Variants in SULT2A1 observed in about 807,000 individuals in gnomAD.
SULT2A1 encodes the protein sulfotransferase family 2A member 1.
A neutral mutation model predicts 33.9 loss-of-function variants in SULT2A1; 43 were observed. The observed-to-expected ratio is 1.27, with a 90% CI of 1.00 to 1.64. The LOEUF is 1.64. Among genes scored for constraint, SULT2A1 ranks in the 40% most tolerant of loss-of-function variants. SULT2A1 has a pLI of 0.00. For missense variants in SULT2A1, 300 were observed against 335.1 expected, an observed-to-expected ratio of 0.90 and a Z score of 0.82; for synonymous variants, 125 against 113.6, an observed-to-expected ratio of 1.10 and a Z score of -0.64.
chr19:47,884,104 CA>C (rs532247197), intron 1 of SULT2A1, among the ~76,000 whole-genome samples: 17 of 116,184 alleles, frequency 1.5e-4, no homozygotes, highest in East Asian at 7.5e-4. Context: ...GACTCAGTCT[CA>C]AAAAAAAAAA....
intron 1 of SULT2A1, among the ~76,000 whole-genome samples, chr19:47,884,385 A>C (rs1424915511): frequency 6.6e-6 from 1 of 150,470 alleles, no homozygotes; most frequent in Non-Finnish European, 1.5e-5. Context: ...TCACCATGTT[A>C]GCCAGGATGG....
At chr19:47,882,253 T>C in intron 2 of SULT2A1, 43 bp from the exon 3 acceptor site, 2 of 1,587,704 alleles carry the variant, frequency 1.3e-6, no homozygotes, top group South Asian at 1.1e-5. Flanking sequence ...ATACAGTCAA[T>C]CCTCACTCTT....
chr19:47,881,852 G>C (rs528690820), intron 3 of SULT2A1, among the ~76,000 whole-genome samples: 1 of 152,120 alleles, frequency 6.6e-6, no homozygotes, highest in East Asian at 1.9e-4. Flanking sequence ...GCTAGTATTG[G>C]AGGCTCTAGA....
intron 5 of SULT2A1, among the ~76,000 whole-genome samples, chr19:47,873,144 G>A (rs1448879310): frequency 1.3e-5 from 2 of 151,952 alleles, no homozygotes; most frequent in African/African-American, 2.4e-5. Context: ...TGTCCCAGAT[G>A]TATTAGAACT....
chr19:47,877,457 A>G (rs1968557540), intron 4 of SULT2A1, among the ~76,000 whole-genome samples: 2 of 151,264 alleles, frequency 1.3e-5, no homozygotes, highest in South Asian at 2.1e-4. Flanking sequence ...CCAGGCTGGT[A>G]TCGAACTCCT....
At chr19:47,877,162 G>A (rs1165323775) in intron 4 of SULT2A1, among the ~76,000 whole-genome samples, 2 of 151,844 alleles carry the variant, frequency 1.3e-5, no homozygotes, top group Non-Finnish European at 2.9e-5. Flanking sequence ...GTGTTGGGAC[G>A]TGACGTTTCC....
intron 3 of SULT2A1, among the ~76,000 whole-genome samples, chr19:47,879,592 T>A (rs1031531272): frequency 4.6e-5 from 7 of 151,972 alleles, no homozygotes; most frequent in African/African-American, 1.7e-4. Context: ...TGGAATACAA[T>A]GCAGCCATGA....
At chr19:47,873,618 T>C (rs1381797662) in intron 5 of SULT2A1, among the ~76,000 whole-genome samples, 5 of 104,890 alleles carry the variant, frequency 4.8e-5, no homozygotes, top group South Asian at 3.3e-4. Context: ...AGATCTCTTT[T>C]TTTTTTTTTT....
chr19:47,879,976 C>T (rs1027240551), intron 3 of SULT2A1, among the ~76,000 whole-genome samples: 7 of 151,892 alleles, frequency 4.6e-5, no homozygotes, highest in African/African-American at 1.7e-4. Flanking sequence ...GTGGCTCACA[C>T]CTGTAATCCC....
At position 47,871,555 on chromosome 19, in the gene SULT2A1, TC is replaced by T. The variant is rs749212128; in HGVS notation, c.757del (p.Asp253ThrfsTer62). 6.2e-7 allele frequency: 1 copy of T among 1,613,326 alleles called. No homozygotes were observed. The highest frequency in any genetic ancestry group is 8.5e-7 in the Non-Finnish European group (1 of 1,179,488). ...GGCCACTGTGAAGTGATTTTTCCAGTCCCCAGATACACCTGGAAACAAGAAG... is the reference window on the plus strand; with the variant it reads ...GGCCACTGTGAAGTGATTTTTCCAGTCCCAGATACACCTGGAAACAAGAAG... Reference protein sequence around the residue: ...AQLLRKGVSGDWKNHFTVAQA... With the variant: ...AQLLRKGVSGXWKNHFTVAQA... On this transcript the variant is annotated frameshift_variant, in exon 6 of 6. Transcript: ENST00000222002. LOFTEE classifies it low-confidence loss of function (END_TRUNC).
intron 2 of SULT2A1, among the ~76,000 whole-genome samples, chr19:47,882,422 C>T (rs62530961): frequency 0.084 from 12,727 of 152,176 alleles, 687 homozygotes; most frequent in South Asian, 0.16. Flanking sequence ...AAGAAGGAAG[C>T]ATCGTTCCTT....
At chr19:47,884,845 C>T (rs549483677) in intron 1 of SULT2A1, among the ~76,000 whole-genome samples, 2 of 113,560 alleles carry the variant, frequency 1.8e-5, no homozygotes, top group East Asian at 3.0e-4. Context: ...CAGAGTCTTG[C>T]TCTGTCACCC....
chr19:47,872,264 G>A (rs1968500161), intron 5 of SULT2A1, among the ~76,000 whole-genome samples: 2 of 152,080 alleles, frequency 1.3e-5, no homozygotes, highest in African/African-American at 4.8e-5. Context: ...GTCTCAGCAT[G>A]GCAGCCCTCA....
At chr19:47,880,013 G>A (rs772016833) in intron 3 of SULT2A1, among the ~76,000 whole-genome samples, 38 of 151,634 alleles carry the variant, frequency 2.5e-4, no homozygotes, top group Non-Finnish European at 3.4e-4. Context: ...GAGGCGGGCG[G>A]ATCACGAGGT....
rs148329743 is a variant in SULT2A1 at position 47,874,713 on chromosome 19, T to C, written c.689A>G (p.Asn230Ser). 6.2e-7 allele frequency: 1 copy of C among 1,614,180 alleles called. No individual in the cohort carries two copies. Among genetic ancestry groups the C allele is most frequent in the South Asian group, 1.1e-5 (1 of 91,076 alleles). Residue 230 changes from asparagine to serine, a missense_variant, in exon 5 of 6, where the codon AAT becomes AGT. Coordinates refer to ENST00000222002, the MANE Select transcript of SULT2A1 (RefSeq NM_003167.4). ...FQSMKENKMSNYSLLSVDYVV... is the reference protein window; with the variant it reads ...FQSMKENKMSSYSLLSVDYVV... ...ATAATCAACACTCAGGAGGGAATAA[T>C]TGGACATCTTGTTTTCTTTCATGCT... is the stretch of plus-strand genomic sequence containing the variant.
intron 3 of SULT2A1, 115 bp from the exon 4 acceptor site, chr19:47,879,245 G>T: frequency 1.4e-6 from 1 of 698,558 alleles, no homozygotes; most frequent in Non-Finnish European, 2.6e-6. Context: ...AATAAAACTT[G>T]AATGAAACTT....
intron 4 of SULT2A1, 118 bp from the exon 5 acceptor site, chr19:47,874,952 A>G: frequency 1.2e-6 from 1 of 844,630 alleles, no homozygotes; most frequent in Non-Finnish European, 1.8e-6. Flanking sequence ...ACTTGAGATC[A>G]GGAGTTCGAG....
Position 47,882,122 on chromosome 19 carries a change from G to A in SULT2A1, c.434C>T (p.Ser145Leu). The A allele has an allele frequency of 6.2e-7, 1 of 1,613,886 alleles. No individual in the cohort carries two copies. Among genetic ancestry groups the A allele is most frequent in the Non-Finnish European group, 8.5e-7 (1 of 1,179,974 alleles). The change falls in exon 3 of 6, where the codon TCA (serine) becomes TTA (leucine). Residue 145 changes from serine (S) to leucine (L), a missense_variant. Transcript: ENST00000222002. ...KNMKFIKKPK[S>L]WEEYFEWFCQ... is the part of the protein sequence containing the mutation. Reference sequence around the variant, plus strand: ...AAACCATTCAAAATATTCTTCCCATGACTTTGGTTTCTTAATAAACTTCAT... The same window carrying A: ...AAACCATTCAAAATATTCTTCCCATAACTTTGGTTTCTTAATAAACTTCAT...
chr19:47,881,636 G>A (rs1382162229), intron 3 of SULT2A1, among the ~76,000 whole-genome samples: 1 of 152,010 alleles, frequency 6.6e-6, no homozygotes, highest in Non-Finnish European at 1.5e-5. Flanking sequence ...AAAAGCCCAG[G>A]AATTCTGCAT....
Sources: allele counts gnomAD v4.1 joint callset (sites outside exome capture counted in the v4.1 genomes callset), GRCh38; gene constraint gnomAD v4.1.1; transcripts MANE v1.5; gene names NCBI Gene and HGNC (gene_info 2026-07-23, HGNC 2026-07-21).